Variants in ARRDC4 observed in about 807,000 individuals in gnomAD.
ARRDC4 encodes arrestin domain-containing protein 4.
A neutral mutation model predicts 44.6 loss-of-function variants in ARRDC4; 40 were observed. That is an observed-to-expected ratio of 0.90 (90% confidence interval 0.70 to 1.17). The LOEUF is 1.17. Ranked by LOEUF, ARRDC4 falls within the 50% of genes most tolerant of loss-of-function variation. ARRDC4 has a pLI of 0.00. For synonymous variants in ARRDC4, 211 were observed against 221.2 expected (o/e 0.95, Z 0.41); for missense variants, 550 against 559.1 (o/e 0.98, Z 0.16).
intron 1 of ARRDC4, among the ~76,000 whole-genome samples, chr15:97,964,993 TACATAC>T (rs776627089): frequency 8.1e-5 from 11 of 135,992 alleles, no homozygotes; most frequent in African/African-American, 3.1e-4. Flanking sequence ...TTGTGATTTT[TACATAC>T]ACACACACAC....
In ARRDC4 at chr15:97,970,110, A is replaced by G; in HGVS notation, c.1045+65A>G. Reference sequence around the variant, plus strand: ...TAGAAAATACCTAGGAACAGAATATATACACTATTAAGTGCTCAGATGTTG... The same window carrying G: ...TAGAAAATACCTAGGAACAGAATATGTACACTATTAAGTGCTCAGATGTTG... On this transcript the variant is annotated intron_variant, in intron 6 of 7. Transcript: ENST00000268042. The surrounding 1 kb of genome is among the most constrained non-coding windows in gnomAD (Gnocchi z 4.2). 1 of 1,501,842 alleles carries G rather than the reference A, an allele frequency of 6.7e-7. No homozygotes were observed. Among genetic ancestry groups the G allele is most frequent in the Non-Finnish European group, 9.1e-7 (1 of 1,103,190 alleles). The allele number at this position is 1,501,842 out of a possible 1,614,324, so 93.0% of individuals were successfully genotyped here. A position where few individuals can be genotyped will look rare whatever the true frequency, so the allele number is the denominator to read the frequency against.
rs924840342 is a variant in ARRDC4 at position 97,966,114 on chromosome 15, G to A, written c.522+72G>A. On this transcript the variant is annotated intron_variant, in intron 3 of 7. Coordinates refer to ENST00000268042, the MANE Select transcript of ARRDC4 (RefSeq NM_183376.3). The surrounding 1 kb of genome is among the most constrained non-coding windows in gnomAD (Gnocchi z 4.7). ...CCTTCCTCCTTCCTTTCAACAGTGG[G>A]ATCTATATTTAGCCAGTTTACTGGT... The A allele has an allele frequency of 3.3e-6, 5 of 1,530,316 alleles. No homozygotes were observed. The Admixed American group carries it at 5.7e-5, about 17-fold the overall frequency. The allele number at this position is 1,530,316 out of a possible 1,614,324, so 94.8% of individuals were successfully genotyped here.
In ARRDC4 at chr15:97,970,077, G is replaced by C. The variant is rs777600637; in HGVS notation, c.1045+32G>C. On this transcript the variant is annotated intron_variant, in intron 6 of 7. Coordinates refer to ENST00000268042, the MANE Select transcript of ARRDC4 (RefSeq NM_183376.3). The surrounding 1 kb of genome is among the most constrained non-coding windows in gnomAD (Gnocchi z 4.2). The stretch of plus-strand genomic sequence containing the variant: ...TATGTTGGCGTTCTTTCATAACGAA[G>C]CTTTACCTAGAAAATACCTAGGAAC... 5 of 1,592,432 alleles carry C rather than the reference G, an allele frequency of 3.1e-6. No individual in the cohort carries two copies. The highest frequency in any genetic ancestry group is 4.3e-6 in the Non-Finnish European group (5 of 1,164,002).
At position 97,968,177 on chromosome 15, in the gene ARRDC4, AG is replaced by A. The variant is rs1236446606; in HGVS notation, c.625+62del. 1.7e-6 allele frequency: 2 copies of A among 1,170,372 alleles called. No homozygotes were observed. The highest frequency in any genetic ancestry group is 5.2e-5 in the East Asian group (2 of 38,336). The allele number at this position is 1,170,372 out of a possible 1,614,324, so 72.5% of individuals were successfully genotyped here. A position where few individuals can be genotyped will look rare whatever the true frequency, so the allele number is the denominator to read the frequency against. On this transcript the variant is annotated intron_variant, in intron 4 of 7. Coordinates refer to ENST00000268042, the MANE Select transcript of ARRDC4 (RefSeq NM_183376.3). This position sits in a 1 kb window ranked among gnomAD's most constrained non-coding sequence, Gnocchi z 5.4. ...TCATTCATTTTCTTAGCTAATTTTA[AG>A]TGATTTTAAATAGTGTTTTTTGTAA...
rs1253396636 is a variant in ARRDC4, at chr15:97,967,418, G to A, written c.523-596G>A. On this transcript the variant is annotated intron_variant, in intron 3 of 7. Coordinates refer to ENST00000268042, the MANE Select transcript of ARRDC4 (RefSeq NM_183376.3). This position sits in a 1 kb window ranked among gnomAD's most constrained non-coding sequence, Gnocchi z 5.0. ...ACTATAGAATAGAATACTGCAGTGA[G>A]AGGGTATGTTTAATAAGCTTTTCAG... Among the ~76,000 whole-genome samples the A allele has an allele frequency of 6.6e-6, 1 of 152,120 alleles. No individual in the cohort carries two copies. The highest frequency in any genetic ancestry group is 1.5e-5 in the Non-Finnish European group (1 of 68,034).
chr15:97,961,563 C>T (rs115948118), intron 1 of ARRDC4, among the ~76,000 whole-genome samples: 5,943 of 152,280 alleles, frequency 0.039, 131 homozygotes, highest in Non-Finnish European at 0.041. Flanking sequence ...TGTCCTATGG[C>T]CTCCACTCCT....
In ARRDC4 at chr15:97,965,722, G is replaced by T; in HGVS notation, c.374+56G>T. The stretch of plus-strand genomic sequence containing the variant: ...CCTTCTCTGCAGTATGTCCATTCAA[G>T]TTTATCACTGCTAGGTCTCTTCTGA... On this transcript the variant is annotated intron_variant, in intron 2 of 7. Transcript: ENST00000268042. This position sits in a 1 kb window ranked among gnomAD's most constrained non-coding sequence, Gnocchi z 5.1. 6.5e-7 allele frequency: 1 copy of T among 1,530,386 alleles called. No individual in the cohort carries two copies. Among genetic ancestry groups the T allele is most frequent in the Non-Finnish European group, 9.1e-7 (1 of 1,104,170 alleles). The allele number at this position is 1,530,386 out of a possible 1,614,324, so 94.8% of individuals were successfully genotyped here.
rs1477443191 is a variant in ARRDC4 at position 97,965,496 on chromosome 15, A to C, written c.308-104A>C. 1.5e-5 allele frequency: 14 copies of C among 956,212 alleles called. No homozygotes were observed. The highest frequency in any genetic ancestry group is 2.2e-5 in the Non-Finnish European group (13 of 599,278). The allele number at this position is 956,212 out of a possible 1,614,324, so 59.2% of individuals were successfully genotyped here. ...TTAATGAACTTTTGGAGTATGCTGC[A>C]TTTTGTAGCGAGAAAAACTTCCTTC... On this transcript the variant is annotated intron_variant, in intron 1 of 7. Coordinates refer to ENST00000268042, the MANE Select transcript of ARRDC4 (RefSeq NM_183376.3). The surrounding 1 kb of genome is among the most constrained non-coding windows in gnomAD (Gnocchi z 5.1).
At chr15:97,961,695 C>T (rs1899324570) in intron 1 of ARRDC4, among the ~76,000 whole-genome samples, 1 of 152,172 alleles carries the variant, frequency 6.6e-6, no homozygotes, top group African/African-American at 2.4e-5. Flanking sequence ...GATCATCATG[C>T]TTGGTTTCCC....
At chr15:97,961,988 A>G (rs1899331841) in intron 1 of ARRDC4, among the ~76,000 whole-genome samples, 1 of 152,138 alleles carries the variant, frequency 6.6e-6, no homozygotes. Flanking sequence ...AATATTAGAT[A>G]CCAAAATTGG....
At position 97,967,578 on chromosome 15, in the gene ARRDC4, CT is replaced by C. The variant is rs141487254; in HGVS notation, c.523-433del. Among the ~76,000 whole-genome samples, 6,638 of 152,102 alleles carry C rather than the reference CT, an allele frequency of 0.044. 409 individuals are homozygous for C. The highest frequency in any genetic ancestry group is 0.14 in the African/African-American group (5,651 of 41,452). On this transcript the variant is annotated intron_variant, in intron 3 of 7. Coordinates refer to ENST00000268042, the MANE Select transcript of ARRDC4 (RefSeq NM_183376.3). The surrounding 1 kb of genome is among the most constrained non-coding windows in gnomAD (Gnocchi z 5.0). ...GGGAAAAGGCTGTTTGTTTATTCCA[CT>C]TTATTAAATGCCAAAATAAATATAA...
In ARRDC4 at chr15:97,971,922, AC is replaced by A. The variant is rs1325792752; in HGVS notation, c.*740del. On this transcript the variant is annotated 3_prime_UTR_variant, in exon 8 of 8. Transcript: ENST00000268042. ...CGTTTTGTTGAGGGCTGTACTTTTT[AC>A]CCCCTTTAAGTGCTTTAACAGGATA... 1 of 152,244 alleles carries A rather than the reference AC, an allele frequency of 6.6e-6. No individual in the cohort carries two copies. 9.4% of individuals were successfully genotyped at this position (152,244 alleles called of 1,614,324 possible). A position where few individuals can be genotyped will look rare whatever the true frequency, so the allele number is the denominator to read the frequency against.
In ARRDC4 at chr15:97,971,416, A is replaced by G; in HGVS notation, c.*229A>G. The stretch of plus-strand genomic sequence containing the variant: ...ATCCCTGTTAAAAACTGGGATGAAG[A>G]TGTGCAAAGTCACAGAATGTAATGG... On this transcript the variant is annotated 3_prime_UTR_variant, in exon 8 of 8. Transcript: ENST00000268042. 2.0e-6 allele frequency: 1 copy of G among 511,926 alleles called. No homozygotes were observed. The highest frequency in any genetic ancestry group is 2.1e-5 in the South Asian group (1 of 46,710). The allele number at this position is 511,926 out of a possible 1,614,324, so 31.7% of individuals were successfully genotyped here.
chr15:97,960,895 G>T lies in ARRDC4; in HGVS notation c.34G>T (p.Gly12Cys), dbSNP rs1438024132. 5 of 1,415,778 alleles carry T rather than the reference G, an allele frequency of 3.5e-6. No homozygotes were observed. Among genetic ancestry groups the T allele is most frequent in the African/African-American group, 3.0e-5 (2 of 67,386 alleles). The allele number at this position is 1,415,778 out of a possible 1,614,324, so 87.7% of individuals were successfully genotyped here. The change falls in exon 1 of 8, where the codon GGT becomes TGT. Residue 12 changes from glycine (G) to cysteine (C), a missense_variant. Physicochemically the swap from Gly to Cys is radical, Grantham distance 159. Transcript: ENST00000268042. ...GGEAGCAAAV[G>C]AEGRVKSLGL... Reference sequence around the variant, plus strand: ...GGAGGCTGGGTGCGCGGCGGCCGTGGGTGCCGAGGGCCGCGTGAAGAGCCT... The same window carrying T: ...GGAGGCTGGGTGCGCGGCGGCCGTGTGTGCCGAGGGCCGCGTGAAGAGCCT...
At position 97,965,903 on chromosome 15, in the gene ARRDC4, T is replaced by G. The variant is rs775525538; in HGVS notation, c.383T>G (p.Val128Gly). Residue 128 changes from valine to glycine, a missense_variant, in exon 3 of 8, where the codon GTC becomes GGC. Physicochemically the swap from Val to Gly is moderately radical, Grantham distance 109. Transcript: ENST00000268042. This position sits in a 1 kb window ranked among gnomAD's most constrained non-coding sequence, Gnocchi z 5.1. ...TCTTTGGTTGGTTTCAGACCTTTGG[T>G]CACCTCGTTTACTGGGAAATATGGA... ...FRFQLPSEPL[V>G]TSFTGKYGSI... 1 of 1,613,926 alleles carries G rather than the reference T, an allele frequency of 6.2e-7. No individual in the cohort carries two copies. Among genetic ancestry groups the G allele is most frequent in the Non-Finnish European group, 8.5e-7 (1 of 1,179,974 alleles).
chr15:97,966,911 G>A lies in ARRDC4; in HGVS notation c.522+869G>A, dbSNP rs1899427032. 6.6e-6 allele frequency among the ~76,000 whole-genome samples: 1 copy of A among 152,196 alleles called. No homozygotes were observed. Among genetic ancestry groups the A allele is most frequent in the Non-Finnish European group, 1.5e-5 (1 of 68,034 alleles). On this transcript the variant is annotated intron_variant, in intron 3 of 7. Coordinates refer to ENST00000268042, the MANE Select transcript of ARRDC4 (RefSeq NM_183376.3). The surrounding 1 kb of genome is among the most constrained non-coding windows in gnomAD (Gnocchi z 4.7). ...TTCATGTTGGAGGTTTTTCTAGCCT[G>A]TGTTTTTAAAGACAAGGAAAAAGCT...
Position 97,960,937 on chromosome 15 carries a change from G to T in ARRDC4, c.76G>T (p.Asp26Tyr). The change falls in exon 1 of 8, where the codon GAC becomes TAC. Residue 26 changes from aspartate (D) to tyrosine (Y), a missense_variant. By Grantham distance (160) the Asp-to-Tyr change is radical. Coordinates refer to ENST00000268042, the MANE Select transcript of ARRDC4 (RefSeq NM_183376.3). The stretch of plus-strand genomic sequence containing the variant: ...GAAGAGCCTGGGTCTGGTGTTCGAG[G>T]ACGAGCGCAAGGGCTGCTATTCCAG... ...RVKSLGLVFEDERKGCYSSGE... is the reference protein window; with the variant it reads ...RVKSLGLVFEYERKGCYSSGE... 6.8e-7 allele frequency: 1 copy of T among 1,467,398 alleles called. No homozygotes were observed. The allele number at this position is 1,467,398 out of a possible 1,614,324, so 90.9% of individuals were successfully genotyped here.
chr15:97,970,683 C>T lies in ARRDC4; in HGVS notation c.1140C>T (p.Cys380=), dbSNP rs1470451803. The change falls in exon 7 of 8, where the codon TGC becomes TGT. Residue 380 remains cysteine (C), a synonymous_variant. Coordinates refer to ENST00000268042, the MANE Select transcript of ARRDC4 (RefSeq NM_183376.3). This position sits in a 1 kb window ranked among gnomAD's most constrained non-coding sequence, Gnocchi z 4.2. ...CCCCTAACTGTGAGGGAGAAGTGTG[C>T]TGTCCTGTGTTTGCCTGTATACAAG... The part of the protein sequence containing the change: ...PQPPNCEGEV[C]CPVFACIQEF... 1.9e-6 allele frequency: 3 copies of T among 1,613,608 alleles called. No individual in the cohort carries two copies. Among genetic ancestry groups the T allele is most frequent in the Non-Finnish European group, 2.5e-6 (3 of 1,179,678 alleles).
intron 1 of ARRDC4, among the ~76,000 whole-genome samples, chr15:97,963,838 T>C (rs937658758): frequency 1.3e-5 from 2 of 152,246 alleles, no homozygotes; most frequent in Admixed American, 6.5e-5. Context: ...TCTAGTAATT[T>C]CAAATTAGAA....
Sources: gnomAD v4.1 joint callset for allele counts (sites outside exome capture counted in the v4.1 genomes callset) on GRCh38, gnomAD v4.1.1 for gene constraint, Gnocchi (gnomAD v3.1) non-coding constraint, MANE v1.5 for transcripts, NCBI Gene and HGNC (gene_info 2026-07-23, HGNC 2026-07-21) for gene names.